The following EGFR variants were observed in gnomAD, a reference collection of about 807,000 sequenced individuals.
The protein encoded by EGFR is avian erythroblastic leukemia viral (v-erb-b) oncogene homolog.
A neutral mutation model predicts 143.0 loss-of-function variants in EGFR; 58 were observed. The observed-to-expected ratio is 0.41, with a 90% CI of 0.33 to 0.50. EGFR has a LOEUF of 0.50. Ranked by LOEUF, EGFR falls within the 20% of genes least tolerant of loss-of-function variation. The pLI, the probability that EGFR is intolerant of heterozygous loss-of-function variation, is 0.39. For missense variants in EGFR, 1,307 were observed against 1,579.0 expected (o/e 0.83, Z 2.92); for synonymous variants, 613 against 594.4 (o/e 1.03, Z -0.45).
At chr7:55,041,410 CAA>C (rs577381937) in intron 1 of EGFR, among the ~76,000 whole-genome samples, 1 of 145,112 alleles carries the variant, frequency 6.9e-6, no homozygotes, top group Non-Finnish European at 1.5e-5. Flanking sequence ...CACTCCATCG[CAA>C]AAAAAAAAGA....
chr7:55,179,647 A>G (rs1437399212), intron 19 of EGFR: 2 of 152,202 alleles, frequency 1.3e-5, no homozygotes, highest in African/African-American at 2.4e-5. Context: ...AAAGCGTGTG[A>G]GCATATTTGT....
intron 11 of EGFR, among the ~76,000 whole-genome samples, chr7:55,159,110 CTG>C (rs1404130053): frequency 1.3e-5 from 2 of 152,194 alleles, no homozygotes; most frequent in Non-Finnish European, 2.9e-5. Context: ...AAGGTGCACT[CTG>C]GCCTTGTGCT....
chr7:55,027,826 G>A (rs1324666841), intron 1 of EGFR, among the ~76,000 whole-genome samples: 10 of 151,860 alleles, frequency 6.6e-5, no homozygotes, highest in Admixed American at 6.6e-4. Flanking sequence ...TGAATTAGAA[G>A]AGACATCTAT....
chr7:55,170,428 T>G (rs1475431691), intron 15 of EGFR: 2 of 1,614,208 alleles, frequency 1.2e-6, no homozygotes, highest in Non-Finnish European at 1.7e-6. Flanking sequence ...GGAGTCATGC[T>G]TAGGATGGAT....
intron 1 of EGFR, among the ~76,000 whole-genome samples, chr7:55,067,561 C>T (rs980041920): frequency 1.3e-5 from 2 of 151,476 alleles, no homozygotes; most frequent in Admixed American, 6.6e-5. Flanking sequence ...CTACTGTAAC[C>T]ATTTTTAAGT....
chr7:55,035,750 T>C (rs896893162), intron 1 of EGFR, among the ~76,000 whole-genome samples: 3 of 151,760 alleles, frequency 2.0e-5, no homozygotes, highest in East Asian at 1.9e-4. Context: ...GACCACCTTA[T>C]AGAAATAGAA....
intron 25 of EGFR, 58 bp from the exon 26 acceptor site, chr7:55,201,677 A>G: frequency 5.0e-6 from 8 of 1,604,122 alleles, no homozygotes; most frequent in Non-Finnish European, 6.0e-6. Context: ...GCATTCAGGA[A>G]AAGTGGATGA....
At chr7:55,038,662 G>A (rs930067332) in intron 1 of EGFR, among the ~76,000 whole-genome samples, 2 of 152,202 alleles carry the variant, frequency 1.3e-5, no homozygotes, top group Non-Finnish European at 2.9e-5. Context: ...TTCACATTGA[G>A]GAGAATCTAA....
chr7:55,116,143 G>C (rs888685202), intron 1 of EGFR, among the ~76,000 whole-genome samples: 2 of 152,174 alleles, frequency 1.3e-5, no homozygotes, highest in African/African-American at 4.8e-5. Flanking sequence ...GAAAAGAAAG[G>C]CTTGACAACA....
intron 1 of EGFR, among the ~76,000 whole-genome samples, chr7:55,137,360 G>T (rs1794202256): frequency 6.6e-6 from 1 of 152,160 alleles, no homozygotes; most frequent in Non-Finnish European, 1.5e-5. Flanking sequence ...TGTCTAAGTG[G>T]ATTTGGGCAA....
intron 1 of EGFR, among the ~76,000 whole-genome samples, chr7:55,061,933 C>A (rs1222761981): frequency 1.3e-5 from 2 of 152,146 alleles, no homozygotes; most frequent in South Asian, 2.1e-4. Context: ...ATCAAAGGAC[C>A]AAGCGCTTGA....
At chr7:55,134,528 G>GTGC (rs544802999) in intron 1 of EGFR, among the ~76,000 whole-genome samples, 25 of 152,352 alleles carry the variant, frequency 1.6e-4, no homozygotes, top group African/African-American at 5.1e-4. Flanking sequence ...AGGGCAAAGG[G>GTGC]TGCTGCCCGG....
chr7:55,088,253 G>A (rs1031503610), intron 1 of EGFR, among the ~76,000 whole-genome samples: 33 of 152,204 alleles, frequency 2.2e-4, no homozygotes, highest in African/African-American at 7.0e-4. Context: ...TTGGCCCTAC[G>A]CTGAAGGTAG....
At position 55,083,065 on chromosome 7, in the gene EGFR, G is replaced by T. The variant is rs553248938; in HGVS notation, c.89-59221G>T. 1.9e-3 allele frequency among the ~76,000 whole-genome samples: 293 copies of T among 152,250 alleles called. 1 individual carries two copies. Among genetic ancestry groups the T allele is most frequent in the Non-Finnish European group, 3.6e-3 (246 of 68,030 alleles). Reference sequence around the variant, plus strand: ...TGAGGACACCCATCACTGAATCAGGGCCCACTCTATACCAGTAAGACCTCA... The same window carrying T: ...TGAGGACACCCATCACTGAATCAGGTCCCACTCTATACCAGTAAGACCTCA... On this transcript the variant is annotated intron_variant, in intron 1 of 27. Transcript: ENST00000275493.
At chr7:55,063,294 T>C (rs1362094980) in intron 1 of EGFR, among the ~76,000 whole-genome samples, 1 of 152,180 alleles carries the variant, frequency 6.6e-6, no homozygotes, top group Non-Finnish European at 1.5e-5. Context: ...CTCCTTGATC[T>C]CGTTTGAATC....
chr7:55,023,933 T>C (rs1786732436), intron 1 of EGFR, among the ~76,000 whole-genome samples: 1 of 152,220 alleles, frequency 6.6e-6, no homozygotes, highest in African/African-American at 2.4e-5. Flanking sequence ...AGTTGGCTCT[T>C]TGGACGACAT....
chr7:55,139,508 TC>T (rs1312893599), intron 1 of EGFR, among the ~76,000 whole-genome samples: 7 of 152,308 alleles, frequency 4.6e-5, no homozygotes, highest in African/African-American at 1.7e-4. Flanking sequence ...TGCTGCTGTC[TC>T]CTTTTGGGTA....
chr7:55,192,966 G>A, intron 22 of EGFR, 125 bp downstream of exon 22: 1 of 824,394 alleles, frequency 1.2e-6, no homozygotes, highest in Admixed American at 2.0e-5. Context: ...TAATGATAAT[G>A]TAATCATTGC....
At chr7:55,181,945 G>A (rs985546329) in intron 20 of EGFR, 12 of 249,706 alleles carry the variant, frequency 4.8e-5, no homozygotes, top group South Asian at 2.1e-4. Context: ...GACAGAGGGC[G>A]CAGCTGCTGC....
Sources: gnomAD v4.1 joint callset for allele counts (sites outside exome capture counted in the v4.1 genomes callset) on GRCh38, gnomAD v4.1.1 for gene constraint, MANE v1.5 for transcripts, NCBI Gene and HGNC (gene_info 2026-07-23, HGNC 2026-07-21) for gene names.